The following DAPK1 variants were observed in gnomAD, a reference collection of about 807,000 sequenced individuals.
The protein encoded by DAPK1 is death-associated protein kinase 1.
DAPK1 carries 56 observed loss-of-function variants against 144.9 expected under a neutral mutation model. The ratio of observed to expected loss-of-function variants is 0.39; its 90% CI spans 0.31 to 0.48. The LOEUF (loss-of-function observed/expected upper bound fraction) is 0.48. DAPK1 is among the 20% of genes least tolerant of loss of function. The probability of loss-of-function intolerance (pLI) is 0.95; values close to 1 mark genes in which losing one functional copy is unlikely to be tolerated. For synonymous variants in DAPK1, 690 were observed against 749.0 expected (o/e 0.92, Z 1.29); for missense variants, 1,454 against 1,875.4 (o/e 0.78, Z 4.15).
At chr9:87,513,649 T>A (rs887129628) in intron 2 of DAPK1, among the ~76,000 whole-genome samples, 21 of 152,254 alleles carry the variant, frequency 1.4e-4, no homozygotes, top group African/African-American at 5.1e-4. Context: ...AATAGTGTTT[T>A]AAAATGCTGG....
intron 2 of DAPK1, among the ~76,000 whole-genome samples, chr9:87,534,100 C>T (rs1825786151): frequency 1.0e-5 from 1 of 100,028 alleles, no homozygotes; most frequent in Admixed American, 1.0e-4. Flanking sequence ...ATTCCAATTT[C>T]TTGCGATTTT....
At chr9:87,681,709 A>T in intron 20 of DAPK1, 83 bp downstream of exon 20, 2 of 781,940 alleles carry the variant, frequency 2.6e-6, no homozygotes, top group South Asian at 2.9e-5. Context: ...GGGGGAAGGG[A>T]GTTGTGTTTG....
chr9:87,578,927 G>A (rs1484159305), intron 2 of DAPK1, among the ~76,000 whole-genome samples: 5 of 152,132 alleles, frequency 3.3e-5, no homozygotes, highest in African/African-American at 1.2e-4. Flanking sequence ...TATTGTATCT[G>A]GGCTTCATCT....
At chr9:87,653,837 GCTCA>G (rs1225244278) in intron 17 of DAPK1, among the ~76,000 whole-genome samples, 4 of 151,976 alleles carry the variant, frequency 2.6e-5, no homozygotes, top group African/African-American at 4.8e-5. Context: ...GGGATTACAG[GCTCA>G]TGCCACCATG....
At chr9:87,499,373 C>G in intron 2 of DAPK1, 1 of 500,300 alleles carries the variant, frequency 2.0e-6, no homozygotes, top group Non-Finnish European at 3.6e-6. Flanking sequence ...GTATATTGAT[C>G]CAGTCCCCTG....
chr9:87,700,005 A>G lies in DAPK1; in HGVS notation c.2751-112A>G, dbSNP rs567195096. 203 of 841,970 alleles carry G rather than the reference A, an allele frequency of 2.4e-4. No individual in the cohort carries two copies. The African/African-American group carries it at 2.9e-3, about 12-fold the overall frequency. The allele number at this position is 841,970 out of a possible 1,614,324, so 52.2% of individuals were successfully genotyped here. A position where few individuals can be genotyped will look rare whatever the true frequency, so the allele number is the denominator to read the frequency against. ...GGGGAGGGGCCTTTGCAAGGACACC[A>G]GAACTTTCCTTCCCTCCTACCAGCC... On this transcript the variant is annotated intron_variant, in intron 23 of 25. Coordinates refer to ENST00000408954, the MANE Select transcript of DAPK1 (RefSeq NM_004938.4).
chr9:87,532,240 T>A (rs967275248), intron 2 of DAPK1, among the ~76,000 whole-genome samples: 37 of 152,366 alleles, frequency 2.4e-4, no homozygotes, highest in Middle Eastern at 3.4e-3. Context: ...TTTTACATTT[T>A]TAAATGATTG....
intron 2 of DAPK1, among the ~76,000 whole-genome samples, chr9:87,513,744 C>T (rs1376624000): frequency 1.3e-5 from 2 of 152,204 alleles, no homozygotes; most frequent in African/African-American, 4.8e-5. Flanking sequence ...TCCTGTTCTA[C>T]TGTCACTGTC....
intron 3 of DAPK1, among the ~76,000 whole-genome samples, chr9:87,630,009 C>T (rs182087845): frequency 2.0e-4 from 30 of 152,236 alleles, no homozygotes; most frequent in Admixed American, 5.9e-4. Context: ...GGAGAGACCA[C>T]GCAGAGACAT....
chr9:87,700,014 C>T lies in DAPK1; in HGVS notation c.2751-103C>T, dbSNP rs960641116. On this transcript the variant is annotated intron_variant, in intron 23 of 25. Transcript: ENST00000408954. ...CCTTTGCAAGGACACCAGAACTTTC[C>T]TTCCCTCCTACCAGCCTCTTGAGCC... is the stretch of plus-strand genomic sequence containing the variant. 17 of 935,632 alleles carry T rather than the reference C, an allele frequency of 1.8e-5. No individual in the cohort carries two copies. In the East Asian group the frequency reaches 2.9e-4, roughly 16 times the overall value. 58.0% of individuals were successfully genotyped at this position (935,632 alleles called of 1,614,324 possible). A position where few individuals can be genotyped will look rare whatever the true frequency, so the allele number is the denominator to read the frequency against.
chr9:87,567,357 A>G (rs1034673902), intron 2 of DAPK1, among the ~76,000 whole-genome samples: 1 of 152,154 alleles, frequency 6.6e-6, no homozygotes, highest in African/African-American at 2.4e-5. Context: ...TTAACTGATA[A>G]TATAGGGAGA....
At chr9:87,542,184 C>A (rs1222893312) in intron 2 of DAPK1, among the ~76,000 whole-genome samples, 1 of 152,182 alleles carries the variant, frequency 6.6e-6, no homozygotes, top group Non-Finnish European at 1.5e-5. Flanking sequence ...CCCAGATTAG[C>A]AGTGAAAGAT....
In DAPK1 at chr9:87,640,463, G is replaced by A. The variant is rs140473848; in HGVS notation, c.782+13G>A. 1,381 of 1,612,734 alleles carry A rather than the reference G, an allele frequency of 8.6e-4. No individual in the cohort carries two copies. Among genetic ancestry groups the A allele is most frequent in the Non-Finnish European group, 1.0e-3 (1,232 of 1,179,282 alleles). On this transcript the variant is annotated intron_variant, in intron 8 of 25. Coordinates refer to ENST00000408954, the MANE Select transcript of DAPK1 (RefSeq NM_004938.4). ...TCAAGGATCCAAAGTGAGTGTCCAC[G>A]TTCCTGAAAGGTGCTTGGCCACGGC...
chr9:87,550,986 G>A (rs974823464), intron 2 of DAPK1, among the ~76,000 whole-genome samples: 3 of 152,208 alleles, frequency 2.0e-5, no homozygotes, highest in Admixed American at 2.0e-4. Context: ...CATGTGGAAG[G>A]ATGGTCCTCT....
At chr9:87,696,934 A>G in intron 21 of DAPK1, 73 bp from the exon 22 acceptor site, 1 of 818,216 alleles carries the variant, frequency 1.2e-6, no homozygotes, top group Non-Finnish European at 2.2e-6. Flanking sequence ...AATCCGTGGA[A>G]CGCTAAGAGA....
intron 21 of DAPK1, among the ~76,000 whole-genome samples, chr9:87,691,407 G>A (rs1433164001): frequency 6.6e-6 from 1 of 151,652 alleles, no homozygotes; most frequent in Non-Finnish European, 1.5e-5. Context: ...CTAGCAAATG[G>A]TTTAGCAATT....
chr9:87,517,544 A>G (rs112929311), intron 2 of DAPK1, among the ~76,000 whole-genome samples: 5 of 151,930 alleles, frequency 3.3e-5, no homozygotes, highest in South Asian at 2.1e-4. Context: ...AGAAACACCT[A>G]TTGTCTGATG....
At position 87,501,847 on chromosome 9, in the gene DAPK1, A is replaced by G. The variant is rs563990338; in HGVS notation, c.62+2708A>G. Among the ~76,000 whole-genome samples the G allele has an allele frequency of 7.9e-5, 12 of 152,320 alleles. No individual in the cohort carries two copies. In the South Asian group the frequency reaches 2.5e-3, roughly 32 times the overall value. Reference sequence around the variant, plus strand: ...TCCATCTGCAGCAGTAATAGAGCAGATGGGCCACTGGACAGATACCCTGGT... The same window carrying G: ...TCCATCTGCAGCAGTAATAGAGCAGGTGGGCCACTGGACAGATACCCTGGT... On this transcript the variant is annotated intron_variant, in intron 2 of 25. Transcript: ENST00000408954.
chr9:87,686,814 C>T lies in DAPK1; in HGVS notation c.2413+75C>T. Reference sequence around the variant, plus strand: ...GGTTGTAAGTCATCCCTAAAGGGAGCTTGTCCTGAGCTGTATCTGTCACTT... The same window carrying T: ...GGTTGTAAGTCATCCCTAAAGGGAGTTTGTCCTGAGCTGTATCTGTCACTT... On this transcript the variant is annotated intron_variant, in intron 21 of 25. Transcript: ENST00000408954. The surrounding 1 kb of genome is among the most constrained non-coding windows in gnomAD (Gnocchi z 4.2). The T allele has an allele frequency of 7.2e-7, 1 of 1,396,646 alleles. No homozygotes were observed. The highest frequency in any genetic ancestry group is 9.8e-7 in the Non-Finnish European group (1 of 1,019,766). The allele number at this position is 1,396,646 out of a possible 1,614,324, so 86.5% of individuals were successfully genotyped here.
Sources: allele counts gnomAD v4.1 joint callset (sites outside exome capture counted in the v4.1 genomes callset), GRCh38; gene constraint gnomAD v4.1.1; non-coding constraint Gnocchi (gnomAD v3.1); transcripts MANE v1.5; gene names NCBI Gene and HGNC (gene_info 2026-07-23, HGNC 2026-07-21).